The following KIF6 variants were observed in gnomAD, a reference collection of about 807,000 sequenced individuals.
KIF6 encodes the protein kinesin-like protein KIF6.
KIF6 carries 106 observed loss-of-function variants against 112.7 expected under a neutral mutation model. The ratio of observed to expected loss-of-function variants is 0.94; its 90% CI spans 0.80 to 1.11. KIF6 has a LOEUF of 1.11. KIF6 is among the 50% of genes least tolerant of loss of function. KIF6 has a pLI of 0.00. For missense variants in KIF6, 929 were observed against 964.0 expected, an observed-to-expected ratio of 0.96 and a Z score of 0.48; for synonymous variants, 339 against 339.9, an observed-to-expected ratio of 1.00 and a Z score of 0.03.
chr6:39,380,017 T>C (rs1231965301), intron 16 of KIF6, among the ~76,000 whole-genome samples: 1 of 152,222 alleles, frequency 6.6e-6, no homozygotes, highest in Non-Finnish European at 1.5e-5. Context: ...CATGGTAAAG[T>C]ACTCAAGAAA....
intron 19 of KIF6, among the ~76,000 whole-genome samples, chr6:39,348,469 G>T (rs1306631139): frequency 6.6e-6 from 1 of 152,178 alleles, no homozygotes; most frequent in Non-Finnish European, 1.5e-5. Flanking sequence ...CCTCAAACCT[G>T]TAAGCTGCTC....
intron 3 of KIF6, among the ~76,000 whole-genome samples, chr6:39,713,285 CAT>C (rs1789662019): frequency 6.6e-6 from 1 of 152,178 alleles, no homozygotes; most frequent in Non-Finnish European, 1.5e-5. Flanking sequence ...AAATGGCAGA[CAT>C]ATCACATAGC....
At chr6:39,708,638 T>C (rs72853273) in intron 3 of KIF6, among the ~76,000 whole-genome samples, 222 of 152,306 alleles carry the variant, frequency 1.5e-3, no homozygotes, top group Non-Finnish European at 2.8e-3. Context: ...GCACATAAAG[T>C]AAATTTCCTA....
Position 39,343,119 on chromosome 6 carries a change from G to C in KIF6, c.2428+590C>G. On this transcript the variant is annotated intron_variant, in intron 22 of 22. Coordinates refer to ENST00000287152, the MANE Select transcript of KIF6 (RefSeq NM_145027.6). This position sits in a 1 kb window ranked among gnomAD's most constrained non-coding sequence, Gnocchi z 4.1. The stretch of plus-strand genomic sequence containing the variant: ...AAAGGCCCAGCCACAGCAGATGGGA[G>C]ATGGGCAGCTGCCAAGAGGACGGGG... 1 of 985,416 alleles carries C rather than the reference G, an allele frequency of 1.0e-6. No individual in the cohort carries two copies. Among genetic ancestry groups the C allele is most frequent in the South Asian group, 4.7e-5 (1 of 21,282 alleles). The allele number at this position is 985,416 out of a possible 1,614,324, so 61.0% of individuals were successfully genotyped here.
intron 10 of KIF6, among the ~76,000 whole-genome samples, chr6:39,577,153 T>C (rs993466808): frequency 6.6e-6 from 1 of 152,198 alleles, no homozygotes; most frequent in African/African-American, 2.4e-5. Context: ...TTAAATACAG[T>C]GTTCTGGAAT....
chr6:39,372,104 C>T (rs1385583995), intron 16 of KIF6, among the ~76,000 whole-genome samples: 5 of 152,172 alleles, frequency 3.3e-5, no homozygotes, highest in Non-Finnish European at 7.4e-5. Context: ...AGTCTTATCT[C>T]TTGATGAAAT....
rs562415819 is a variant in KIF6 at position 39,607,679 on chromosome 6, G to A, written c.639+5510C>T. The stretch of plus-strand genomic sequence containing the variant: ...GGGCTCAAGCAATCCTCCTGCCTCA[G>A]CCTTCTGAGCAGCTAGGATTAAAGG... On this transcript the variant is annotated intron_variant, in intron 6 of 22. Transcript: ENST00000287152. Among the ~76,000 whole-genome samples the A allele has an allele frequency of 3.3e-5, 5 of 152,204 alleles. No homozygotes were observed. The East Asian group carries it at 9.6e-4, about 29-fold the overall frequency.
At chr6:39,677,421 G>C (rs985278247) in intron 3 of KIF6, among the ~76,000 whole-genome samples, 3 of 151,992 alleles carry the variant, frequency 2.0e-5, no homozygotes, top group Admixed American at 1.3e-4. Flanking sequence ...AGCAAACCTG[G>C]ACCACAAAGT....
chr6:39,708,113 CA>C (rs1232584791), intron 3 of KIF6, among the ~76,000 whole-genome samples: 1 of 152,088 alleles, frequency 6.6e-6, no homozygotes, highest in Non-Finnish European at 1.5e-5. Context: ...CTAGGCAACC[CA>C]CGGCATTATC....
intron 3 of KIF6, among the ~76,000 whole-genome samples, chr6:39,642,930 T>C (rs913020236): frequency 1.3e-5 from 2 of 152,052 alleles, no homozygotes. Flanking sequence ...CCAACAAACA[T>C]GTAGGGACCC....
chr6:39,515,103 G>A (rs1216333704), intron 13 of KIF6, among the ~76,000 whole-genome samples: 1 of 152,140 alleles, frequency 6.6e-6, no homozygotes. Context: ...AATTCATGTG[G>A]ATCAGAATGA....
chr6:39,516,814 A>G (rs1348015987), intron 13 of KIF6, among the ~76,000 whole-genome samples: 1 of 152,192 alleles, frequency 6.6e-6, no homozygotes, highest in East Asian at 1.9e-4. Context: ...TAATGATACA[A>G]TGCCTAGATT....
intron 3 of KIF6, among the ~76,000 whole-genome samples, chr6:39,678,850 T>C (rs1787329002): frequency 6.6e-6 from 1 of 152,190 alleles, no homozygotes; most frequent in South Asian, 2.1e-4. Flanking sequence ...TTGGAGTCTT[T>C]ACAATAGAAC....
chr6:39,690,301 C>T (rs894031074), intron 3 of KIF6: 4 of 151,788 alleles, frequency 2.6e-5, no homozygotes, highest in Admixed American at 2.0e-4. Context: ...TGCAAAGTAA[C>T]GATGTCAATG....
intron 22 of KIF6, among the ~76,000 whole-genome samples, chr6:39,337,193 T>TTCTTTCTTTCTTTCTTTCTTTCTTTC (rs1763039911): frequency 1.0e-5 from 1 of 99,998 alleles, no homozygotes; most frequent in Non-Finnish European, 1.8e-5. Context: ...CTTTCTTTCT[T>TTCTTTCTTTCTTTCTTTCTTTCTTTC]TCTTTCTTTC....
intron 10 of KIF6, among the ~76,000 whole-genome samples, chr6:39,556,815 TA>T (rs534272626): frequency 5.8e-4 from 89 of 152,310 alleles, no homozygotes; most frequent in African/African-American, 2.0e-3. Flanking sequence ...TCTCCATGGT[TA>T]AAGTTTCCAA....
chr6:39,489,087 C>G (rs982839084), intron 13 of KIF6, among the ~76,000 whole-genome samples: 3 of 152,170 alleles, frequency 2.0e-5, no homozygotes, highest in African/African-American at 7.2e-5. Context: ...TTTTAAAATA[C>G]AGCTACCCTC....
chr6:39,619,952 G>A (rs1783725242), intron 5 of KIF6, among the ~76,000 whole-genome samples: 1 of 151,990 alleles, frequency 6.6e-6, no homozygotes, highest in Non-Finnish European at 1.5e-5. Flanking sequence ...ACTATTCCAT[G>A]CCCTAACAAT....
At chr6:39,360,365 C>G in intron 18 of KIF6, 30 bp downstream of exon 18, 1 of 1,612,816 alleles carries the variant, frequency 6.2e-7, no homozygotes, top group Non-Finnish European at 8.5e-7. Context: ...TGGCCCCTCC[C>G]CAGCTTCCCT....
Sources: allele counts gnomAD v4.1 joint callset (sites outside exome capture counted in the v4.1 genomes callset), GRCh38; gene constraint gnomAD v4.1.1; non-coding constraint Gnocchi (gnomAD v3.1); transcripts MANE v1.5; gene names NCBI Gene and HGNC (gene_info 2026-07-23, HGNC 2026-07-21).